EML5: variants seen among roughly 807,000 people sequenced by gnomAD.
EML5 encodes echinoderm microtubule-associated protein-like 5.
A neutral mutation model predicts 250.0 loss-of-function variants in EML5; 120 were observed. The ratio of observed to expected loss-of-function variants is 0.48; its 90% CI spans 0.41 to 0.56. EML5 has a LOEUF of 0.56. Ranked by LOEUF, EML5 falls within the 20% of genes least tolerant of loss-of-function variation. The pLI is 0.00. For synonymous variants in EML5, 771 were observed against 806.5 expected (o/e 0.96, Z 0.75); for missense variants, 2,006 against 2,437.6 (o/e 0.82, Z 3.73).
At chr14:88,753,817 A>T (rs766769038) in intron 2 of EML5, among the ~76,000 whole-genome samples, 18 of 152,298 alleles carry the variant, frequency 1.2e-4, no homozygotes, top group African/African-American at 4.3e-4. Flanking sequence ...TATAATTTTA[A>T]TAGACAACCT....
intron 2 of EML5, among the ~76,000 whole-genome samples, 160 bp from the exon 3 acceptor site, chr14:88,746,443 C>A (rs949281715): frequency 2.6e-5 from 4 of 152,088 alleles, no homozygotes; most frequent in African/African-American, 9.7e-5. Flanking sequence ...ATGTATTTCA[C>A]CTTGTTAGTG....
rs372849559 is a variant in EML5, at chr14:88,665,458, A to G, written c.3156T>C (p.Gly1052=). ...CGTTGAGACCTACGGCTAAAGCTTT[A>G]CCATCAGGAGAAAAACAGCAACACC... ...GGRCCCFSPD[G]KALAVGLNDG... Residue 1052 remains glycine (G), a synonymous_variant, in exon 22 of 44, where the codon GGT becomes GGC. Coordinates refer to ENST00000554922, the MANE Select transcript of EML5 (RefSeq NM_183387.3). The G allele has an allele frequency of 1.2e-5, 20 of 1,614,000 alleles. No individual in the cohort carries two copies. In the African/African-American group the frequency reaches 2.7e-4, roughly 22 times the overall value.
chr14:88,791,104 C>T (rs576791472), intron 1 of EML5, among the ~76,000 whole-genome samples: 40 of 152,158 alleles, frequency 2.6e-4, no homozygotes, highest in Non-Finnish European at 4.4e-4. Context: ...ATCTTTACTC[C>T]ATCTTGCCCT....
At chr14:88,754,765 G>T in intron 1 of EML5, 94 bp from the exon 2 acceptor site, 1 of 1,041,188 alleles carries the variant, frequency 9.6e-7, no homozygotes, top group South Asian at 1.5e-5. Flanking sequence ...ATACCAGTGT[G>T]AACATTAGAC....
chr14:88,686,332 A>C (rs2141224746), intron 19 of EML5, among the ~76,000 whole-genome samples: 1 of 152,204 alleles, frequency 6.6e-6, no homozygotes, highest in East Asian at 1.9e-4. Flanking sequence ...CAGCACACCA[A>C]CATGGCACAT....
At chr14:88,727,647 C>T (rs1049835337) in intron 7 of EML5, among the ~76,000 whole-genome samples, 1 of 152,128 alleles carries the variant, frequency 6.6e-6, no homozygotes, top group African/African-American at 2.4e-5. Context: ...ATCCACCCAC[C>T]TTGGCCTCCC....
At chr14:88,658,717 A>T (rs566931468) in intron 25 of EML5, among the ~76,000 whole-genome samples, 15 of 152,306 alleles carry the variant, frequency 9.8e-5, no homozygotes, top group African/African-American at 3.1e-4. Context: ...ATGCTAAGAA[A>T]TGCTATCTGT....
intron 20 of EML5, among the ~76,000 whole-genome samples, chr14:88,682,527 C>T (rs964576243): frequency 1.1e-4 from 16 of 152,058 alleles, no homozygotes; most frequent in African/African-American, 3.6e-4. Context: ...TGAGAGTCTA[C>T]GGTATTTAAA....
At chr14:88,785,100 C>T (rs979277432) in intron 1 of EML5, among the ~76,000 whole-genome samples, 3 of 152,238 alleles carry the variant, frequency 2.0e-5, no homozygotes, top group Non-Finnish European at 4.4e-5. Flanking sequence ...AGACAAACAT[C>T]GCATGTTCCC....
intron 27 of EML5, among the ~76,000 whole-genome samples, chr14:88,655,818 A>T (rs1448435622): frequency 6.6e-6 from 1 of 152,248 alleles, no homozygotes; most frequent in Non-Finnish European, 1.5e-5. Flanking sequence ...GGATATGAAC[A>T]GACACTTCTC....
At chr14:88,738,841 G>A in intron 6 of EML5, 38 bp downstream of exon 6, 2 of 1,536,132 alleles carry the variant, frequency 1.3e-6, no homozygotes, top group South Asian at 1.3e-5. Flanking sequence ...GGGAAGTTTA[G>A]AGTTTGCCTA....
intron 8 of EML5, 129 bp downstream of exon 8, chr14:88,726,412 G>A: frequency 1.8e-6 from 1 of 555,262 alleles, no homozygotes; most frequent in Non-Finnish European, 2.8e-6. Context: ...TTAATAAGAA[G>A]GGGAAGAGAA....
At chr14:88,771,056 T>C (rs2094387571) in intron 1 of EML5, among the ~76,000 whole-genome samples, 1 of 152,122 alleles carries the variant, frequency 6.6e-6, no homozygotes, top group Non-Finnish European at 1.5e-5. Flanking sequence ...TAAACAAACA[T>C]AAAGTGAGCT....
Position 88,626,840 on chromosome 14 carries a change from C to T in EML5, c.4738G>A (p.Ala1580Thr), listed in dbSNP as rs1290951376. Residue 1580 changes from alanine (A) to threonine (T), a missense_variant and splice_region_variant, in exon 35 of 44, where the codon GCA becomes ACA. Ala to Thr is a moderately conservative substitution (Grantham distance 58, BLOSUM62 0). Transcript: ENST00000554922. ...TATGTGCATTTTAAGAGACATACTGCACCAAATGCAATAGCGAGCATGGTC... is the reference window on the plus strand; with the variant it reads ...TATGTGCATTTTAAGAGACATACTGTACCAAATGCAATAGCGAGCATGGTC... Reference protein sequence around the residue: ...MQTMLAIAFGANNLTFTGTIS... With the variant: ...MQTMLAIAFGTNNLTFTGTIS... 6.2e-7 allele frequency: 1 copy of T among 1,613,760 alleles called. No individual in the cohort carries two copies. The highest frequency in any genetic ancestry group is 8.5e-7 in the Non-Finnish European group (1 of 1,179,824).
At chr14:88,618,894 T>C in intron 39 of EML5, 82 bp from the exon 40 acceptor site, 1 of 1,405,864 alleles carries the variant, frequency 7.1e-7, no homozygotes, top group South Asian at 1.6e-5. Flanking sequence ...TCCTTTCTAG[T>C]TCTTAAAAGT....
intron 1 of EML5, among the ~76,000 whole-genome samples, chr14:88,764,241 T>C (rs2094290346): frequency 6.6e-6 from 1 of 152,218 alleles, no homozygotes; most frequent in African/African-American, 2.4e-5. Context: ...GATTTTGTAT[T>C]AGAGTGATGC....
At chr14:88,626,586 C>T in intron 35 of EML5, 1 of 453,462 alleles carries the variant, frequency 2.2e-6, no homozygotes, top group Non-Finnish European at 4.0e-6. Flanking sequence ...CATTGCACCC[C>T]AGCCCAGGCG....
chr14:88,646,272 T>C (rs1174027358), intron 29 of EML5, among the ~76,000 whole-genome samples: 1 of 152,196 alleles, frequency 6.6e-6, no homozygotes, highest in African/African-American at 2.4e-5. Context: ...AAGAAATGAA[T>C]GGGATGTTGA....
At chr14:88,718,758 TAA>T (rs1491253669) in intron 8 of EML5, among the ~76,000 whole-genome samples, 1 of 152,140 alleles carries the variant, frequency 6.6e-6, no homozygotes, top group African/African-American at 2.4e-5. Context: ...AAATGTGATG[TAA>T]GAGAGAGAGA....
Sources: allele counts gnomAD v4.1 joint callset (sites outside exome capture counted in the v4.1 genomes callset), GRCh38; gene constraint gnomAD v4.1.1; transcripts MANE v1.5; gene names NCBI Gene and HGNC (gene_info 2026-07-23, HGNC 2026-07-21).